RPP30: variants seen among roughly 807,000 people sequenced by gnomAD.
RPP30 encodes the protein ribonuclease P/MRP subunit p30.
A neutral mutation model predicts 38.6 loss-of-function variants in RPP30; 36 were observed. The observed-to-expected ratio is 0.93, with a 90% CI of 0.71 to 1.23. The LOEUF is 1.23. RPP30 is among the 50% of genes most tolerant of loss of function. The pLI, the probability that RPP30 is intolerant of heterozygous loss-of-function variation, is 0.00. For synonymous variants in RPP30, 126 were observed against 112.7 expected (o/e 1.12, Z -0.75); for missense variants, 321 against 321.7 (o/e 1.00, Z 0.02).
chr10:90,878,918 T>C, intron 4 of RPP30, 145 bp from the exon 5 acceptor site: 1 of 631,674 alleles, frequency 1.6e-6, no homozygotes, highest in South Asian at 2.0e-5. Flanking sequence ...CTTATGTCTT[T>C]TCTGCCAACA....
chr10:90,878,366 A>T (rs1846879147), intron 4 of RPP30, among the ~76,000 whole-genome samples: 1 of 152,228 alleles, frequency 6.6e-6, no homozygotes, highest in Admixed American at 6.5e-5. Flanking sequence ...CAACAAGCAG[A>T]GAAGAAATAC....
chr10:90,905,041 A>G (rs1483035882), downstream of RPP30, among the ~76,000 whole-genome samples: 1 of 152,234 alleles, frequency 6.6e-6, no homozygotes, highest in Non-Finnish European at 1.5e-5. Flanking sequence ...GGATTGCAAT[A>G]GACCTGCCGA....
chr10:90,890,156 T>G (rs557623136), intron 6 of RPP30, among the ~76,000 whole-genome samples: 111 of 152,332 alleles, frequency 7.3e-4, no homozygotes, highest in Admixed American at 1.2e-3. Flanking sequence ...CAAGCTTTGA[T>G]TCCAAATCTG....
At chr10:90,899,190 A>G (rs748388339) in intron 10 of RPP30, among the ~76,000 whole-genome samples, 3 of 152,236 alleles carry the variant, frequency 2.0e-5, no homozygotes, top group Non-Finnish European at 2.9e-5. Flanking sequence ...ATTAATAGCT[A>G]TAAGTGTGAC....
At chr10:90,902,299 C>A, downstream of RPP30, 1 of 413,486 alleles carries the variant, frequency 2.4e-6, no homozygotes. Flanking sequence ...CTCACTGCAA[C>A]CTTTGCCTCT....
At chr10:90,883,638 G>A (rs995073648) in intron 5 of RPP30, among the ~76,000 whole-genome samples, 1 of 152,136 alleles carries the variant, frequency 6.6e-6, no homozygotes, top group Non-Finnish European at 1.5e-5. Context: ...AACCAACATA[G>A]AGCCATTGTT....
chr10:90,872,132 G>A, intron 1 of RPP30, 64 bp downstream of exon 1: 1 of 1,362,218 alleles, frequency 7.3e-7, no homozygotes, highest in Non-Finnish European at 1.1e-6. Context: ...GCCACACTCC[G>A]GAGTAACTAT....
At chr10:90,892,089 C>G (rs1192801703) in intron 6 of RPP30, among the ~76,000 whole-genome samples, 1 of 152,216 alleles carries the variant, frequency 6.6e-6, no homozygotes, top group Non-Finnish European at 1.5e-5. Flanking sequence ...CTGTCACACA[C>G]CTGTCCTTAG....
At chr10:90,895,819 TAA>T (rs1847133135) in intron 8 of RPP30, 59 bp from the exon 9 acceptor site, 7 of 1,209,886 alleles carry the variant, frequency 5.8e-6, no homozygotes, top group Non-Finnish European at 8.3e-6. Context: ...TAATTTGCTA[TAA>T]GTCATTGAAA....
At chr10:90,897,813 A>G (rs1019755785) in intron 10 of RPP30, among the ~76,000 whole-genome samples, 2 of 152,164 alleles carry the variant, frequency 1.3e-5, no homozygotes, top group African/African-American at 4.8e-5. Context: ...TTGTGGGTAC[A>G]TAGTATGTGT....
Position 90,892,123 on chromosome 10 carries a change from T to C in RPP30, c.433-2652T>C, listed in dbSNP as rs576047769. ...AGTAGCATCTTTATGACCATTATTTTTCATTAGTAAAGAAATGTGATCATC... is the reference window on the plus strand; with the variant it reads ...AGTAGCATCTTTATGACCATTATTTCTCATTAGTAAAGAAATGTGATCATC... On this transcript the variant is annotated intron_variant, in intron 6 of 10. Transcript: ENST00000371703. Among the ~76,000 whole-genome samples, 8 of 152,314 alleles carry C rather than the reference T, an allele frequency of 5.3e-5. No homozygotes were observed. In the East Asian group the frequency reaches 1.5e-3, roughly 29 times the overall value.
Position 90,886,544 on chromosome 10 carries a change from C to T in RPP30, c.432+643C>T, listed in dbSNP as rs535070347. On this transcript the variant is annotated intron_variant, in intron 6 of 10. Coordinates refer to ENST00000371703, the MANE Select transcript of RPP30 (RefSeq NM_006413.5). ...TTCCTTCTTCTGTCTTAATTTCCTC[C>T]CATTTCCATCATAAGGTAATATTAT... 4.6e-5 allele frequency among the ~76,000 whole-genome samples: 7 copies of T among 152,274 alleles called. No homozygotes were observed. The South Asian group carries it at 1.5e-3, about 32-fold the overall frequency.
At chr10:90,898,349 T>C (rs1297527691) in intron 10 of RPP30, among the ~76,000 whole-genome samples, 2 of 152,194 alleles carry the variant, frequency 1.3e-5, no homozygotes, top group African/African-American at 4.8e-5. Flanking sequence ...AAGAGAGTCC[T>C]AAACTAGATG....
chr10:90,879,661 C>G (rs1365816937), intron 5 of RPP30, among the ~76,000 whole-genome samples: 1 of 152,182 alleles, frequency 6.6e-6, no homozygotes, highest in African/African-American at 2.4e-5. Context: ...AATCCCTCTT[C>G]TTATCTTGAG....
chr10:90,908,142 A>G (rs1295520992), downstream of RPP30: 2 of 152,228 alleles, frequency 1.3e-5, no homozygotes, highest in Non-Finnish European at 1.5e-5. Context: ...GGATGTTGCT[A>G]TCAATAGAAA....
chr10:90,893,103 T>A (rs760596216), intron 6 of RPP30, among the ~76,000 whole-genome samples: 6 of 152,150 alleles, frequency 3.9e-5, no homozygotes, highest in Middle Eastern at 3.2e-3. Flanking sequence ...GGTTGCAGTG[T>A]GGAAAATAGC....
downstream of RPP30, among the ~76,000 whole-genome samples, chr10:90,903,032 G>A (rs552724606): frequency 5.3e-5 from 8 of 152,140 alleles, no homozygotes; most frequent in East Asian, 1.9e-4. Flanking sequence ...AAAAATTCCC[G>A]GGAAAACTAA....
At chr10:90,895,402 TC>T in intron 7 of RPP30, 51 bp from the exon 8 acceptor site, 1 of 1,048,950 alleles carries the variant, frequency 9.5e-7, no homozygotes, top group Non-Finnish European at 1.4e-6. Flanking sequence ...ATTATGAAAC[TC>T]CTTTTTTTAC....
In RPP30 at chr10:90,895,884, T is replaced by C; in HGVS notation, c.584T>C (p.Leu195Ser). The stretch of plus-strand genomic sequence containing the variant: ...TCTTTGTTCATTTTATTTCAGCCTT[T>C]AGAAATAAGAGGGCCATATGACGTG... ...VIISSAAERP[L>S]EIRGPYDVAN... is the part of the protein sequence containing the mutation. Residue 195 changes from leucine to serine, a missense_variant, in exon 9 of 11, where the codon TTA becomes TCA. By Grantham distance (145) the Leu-to-Ser change is moderately radical. Coordinates refer to ENST00000371703, the MANE Select transcript of RPP30 (RefSeq NM_006413.5). The C allele has an allele frequency of 1.3e-6, 2 of 1,595,788 alleles. No homozygotes were observed. The highest frequency in any genetic ancestry group is 1.7e-6 in the Non-Finnish European group (2 of 1,170,026).
Sources: allele counts gnomAD v4.1 joint callset (sites outside exome capture counted in the v4.1 genomes callset), GRCh38; gene constraint gnomAD v4.1.1; transcripts MANE v1.5; gene names NCBI Gene and HGNC (gene_info 2026-07-23, HGNC 2026-07-21).